The following TYR variants were observed in gnomAD, a reference collection of about 807,000 sequenced individuals.
The protein encoded by TYR is LB24-AB.
TYR carries 58 observed loss-of-function variants against 51.5 expected under a neutral mutation model. The observed-to-expected ratio is 1.13, with a 90% CI of 0.91 to 1.40. The LOEUF is 1.40. Among genes scored for constraint, TYR ranks in the 40% most tolerant of loss-of-function variants. TYR has a pLI of 0.00. For synonymous variants in TYR, 263 were observed against 235.2 expected, an observed-to-expected ratio of 1.12 and a Z score of -1.08; for missense variants, 732 against 647.4, an observed-to-expected ratio of 1.13 and a Z score of -1.42.
chr11:89,289,617 G>A (rs1194645978), intron 4 of TYR, among the ~76,000 whole-genome samples: 2 of 151,962 alleles, frequency 1.3e-5, no homozygotes, highest in African/African-American at 4.8e-5. Context: ...CCCGCCTACA[G>A]GTAGTGTATC....
chr11:89,287,654 A>G (rs1463167356), intron 4 of TYR, among the ~76,000 whole-genome samples: 1 of 151,926 alleles, frequency 6.6e-6, no homozygotes, highest in Non-Finnish European at 1.5e-5. Context: ...AAAGGAGGAC[A>G]TGGTTATGAA....
At chr11:89,238,162 A>G (rs1048381759) in intron 3 of TYR, among the ~76,000 whole-genome samples, 31 of 152,120 alleles carry the variant, frequency 2.0e-4, no homozygotes, top group African/African-American at 7.2e-4. Flanking sequence ...AAGAAGAGAT[A>G]TATTTCAGTT....
chr11:89,273,774 A>C (rs1565419888), intron 3 of TYR, among the ~76,000 whole-genome samples: 1 of 151,838 alleles, frequency 6.6e-6, no homozygotes, highest in South Asian at 2.1e-4. Flanking sequence ...AATTCTGGAA[A>C]ATTAAAGTCT....
intron 1 of TYR, among the ~76,000 whole-genome samples, chr11:89,187,774 C>T (rs1169270458): frequency 6.6e-6 from 1 of 151,866 alleles, no homozygotes; most frequent in Non-Finnish European, 1.5e-5. Context: ...AATTTCAAAC[C>T]AAAGTTTTCA....
intron 3 of TYR, among the ~76,000 whole-genome samples, chr11:89,264,886 T>G (rs535364258): frequency 6.6e-6 from 1 of 152,174 alleles, no homozygotes; most frequent in East Asian, 1.9e-4. Flanking sequence ...GAAAACTGCT[T>G]TTCTTAAGTG....
intron 2 of TYR, among the ~76,000 whole-genome samples, chr11:89,208,096 G>A (rs7924913): frequency 0.19 from 28,813 of 151,978 alleles, 3,608 homozygotes; most frequent in African/African-American, 0.36. Flanking sequence ...GTGAAATCCC[G>A]TCTCTACTAA....
Position 89,191,227 on chromosome 11 carries a change from A to G in TYR, c.845A>G (p.Tyr282Cys), listed in dbSNP as rs368011574. ...WQIVCSRLEE[Y>C]NSHQSLCNGT... is the part of the protein sequence containing the mutation. Reference sequence around the variant, plus strand: ...ATTGTCTGTAGCCGATTGGAGGAGTACAACAGCCATCAGTCTTTATGCAAT... The same window carrying G: ...ATTGTCTGTAGCCGATTGGAGGAGTGCAACAGCCATCAGTCTTTATGCAAT... The change falls in exon 2 of 5, where the codon TAC becomes TGC. Residue 282 changes from tyrosine to cysteine, a missense_variant. Transcript: ENST00000263321. 1.2e-6 allele frequency: 2 copies of G among 1,613,430 alleles called. No individual in the cohort carries two copies. The highest frequency in any genetic ancestry group is 2.7e-5 in the African/African-American group (2 of 74,858).
rs1394026490 is a variant in TYR at position 89,227,915 on chromosome 11, G to A, written c.1129G>A (p.Val377Ile). 1 of 1,613,576 alleles carries A rather than the reference G, an allele frequency of 6.2e-7. No individual in the cohort carries two copies. The highest frequency in any genetic ancestry group is 1.1e-5 in the South Asian group (1 of 91,074). The change falls in exon 3 of 5, where the codon GTA (valine) becomes ATA (isoleucine). Residue 377 changes from valine (V) to isoleucine (I), a missense_variant. Val to Ile is a conservative substitution (Grantham distance 29). Coordinates refer to ENST00000263321, the MANE Select transcript of TYR (RefSeq NM_000372.5). The stretch of plus-strand genomic sequence containing the variant: ...CTATATGAATGGAACAATGTCCCAG[G>A]TACAGGGATCTGCCAACGATCCTAT... ...HIYMNGTMSQ[V>I]QGSANDPIFL... is the part of the protein sequence containing the mutation.
chr11:89,235,470 C>T (rs1944099197), intron 3 of TYR, among the ~76,000 whole-genome samples: 3 of 152,050 alleles, frequency 2.0e-5, no homozygotes, highest in Non-Finnish European at 4.4e-5. Flanking sequence ...AGTATATGTA[C>T]ACAATGAAAT....
In TYR at chr11:89,198,660, G is replaced by A. The variant is rs574905685; in HGVS notation, c.1036+7242G>A. ...TGATTAAACTAAAGCACCATTCTCA[G>A]CAAAGTAATTATTCTAATAAATTTA... On this transcript the variant is annotated intron_variant, in intron 2 of 4. Transcript: ENST00000263321. 9.2e-5 allele frequency among the ~76,000 whole-genome samples: 14 copies of A among 151,970 alleles called. No homozygotes were observed. The South Asian group carries it at 1.5e-3, about 16-fold the overall frequency.
chr11:89,247,832 C>A (rs1336161320), intron 3 of TYR, among the ~76,000 whole-genome samples: 1 of 152,122 alleles, frequency 6.6e-6, no homozygotes, highest in Non-Finnish European at 1.5e-5. Flanking sequence ...CAGACAGAAG[C>A]AGCATGACTG....
chr11:89,201,978 C>T (rs918738998), intron 2 of TYR, among the ~76,000 whole-genome samples: 2 of 152,176 alleles, frequency 1.3e-5, no homozygotes, highest in East Asian at 3.9e-4. Flanking sequence ...TGGTGGCTAA[C>T]AACGTACATT....
intron 2 of TYR, among the ~76,000 whole-genome samples, chr11:89,207,037 T>C (rs553882421): frequency 1.0e-3 from 153 of 151,914 alleles, no homozygotes; most frequent in Non-Finnish European, 1.7e-3. Context: ...AAGTCTCAAG[T>C]CAGTAATACA....
chr11:89,272,109 C>A (rs1387646346), intron 3 of TYR, among the ~76,000 whole-genome samples: 1 of 151,882 alleles, frequency 6.6e-6, no homozygotes, highest in Non-Finnish European at 1.5e-5. Context: ...GGCCACCTCC[C>A]ATGAAAATTA....
chr11:89,258,386 AG>A (rs1417980607), intron 3 of TYR, among the ~76,000 whole-genome samples: 11 of 151,846 alleles, frequency 7.2e-5, no homozygotes, highest in African/African-American at 2.4e-4. Flanking sequence ...TTTTCCTCAA[AG>A]GAAAAATAAA....
intron 4 of TYR, among the ~76,000 whole-genome samples, chr11:89,287,153 C>A (rs1429734589): frequency 1.3e-5 from 2 of 151,612 alleles, no homozygotes; most frequent in Non-Finnish European, 2.9e-5. Context: ...TCCCCAAACC[C>A]CCAAGATCAG....
At chr11:89,194,876 ATTCTAGAGCATC>A (rs1159523666) in intron 2 of TYR, among the ~76,000 whole-genome samples, 1 of 152,232 alleles carries the variant, frequency 6.6e-6, no homozygotes, top group East Asian at 1.9e-4. Context: ...TAAGCAAATT[ATTCTAGAGCATC>A]TTGTACCTAC....
intron 2 of TYR, among the ~76,000 whole-genome samples, chr11:89,195,986 T>C (rs1943514494): frequency 6.6e-6 from 1 of 152,136 alleles, no homozygotes; most frequent in Non-Finnish European, 1.5e-5. Context: ...CTGACTAGGA[T>C]TACATCCTAG....
intron 2 of TYR, among the ~76,000 whole-genome samples, chr11:89,209,890 A>G (rs991007290): frequency 6.6e-6 from 1 of 152,210 alleles, no homozygotes; most frequent in Non-Finnish European, 1.5e-5. Context: ...TGTTACAAGG[A>G]AAACTAACTA....
Sources: gnomAD v4.1 joint callset for allele counts (sites outside exome capture counted in the v4.1 genomes callset) on GRCh38, gnomAD v4.1.1 for gene constraint, MANE v1.5 for transcripts, NCBI Gene and HGNC (gene_info 2026-07-23, HGNC 2026-07-21) for gene names.